Variants in RBFOX1 observed in about 807,000 individuals in gnomAD.
The protein encoded by RBFOX1 is RNA binding protein fox-1 homolog 1.
A neutral mutation model predicts 57.7 loss-of-function variants in RBFOX1; 8 were observed. That is an observed-to-expected ratio of 0.14 (90% CI 0.08 to 0.25). The LOEUF (loss-of-function observed/expected upper bound fraction) is 0.25. Among genes scored for constraint, RBFOX1 ranks in the 10% least tolerant of loss-of-function variants. The probability of loss-of-function intolerance (pLI) is 1.00; values close to 1 mark genes in which losing one functional copy is unlikely to be tolerated. For missense variants in RBFOX1, 611 were observed against 548.5 expected, an observed-to-expected ratio of 1.11 and a Z score of -1.14; for synonymous variants, 326 against 222.4, an observed-to-expected ratio of 1.47 and a Z score of -4.15.
intron 3 of RBFOX1, among the ~76,000 whole-genome samples, chr16:5,702,051 A>G (rs535942378): frequency 6.6e-6 from 1 of 152,210 alleles, no homozygotes; most frequent in Non-Finnish European, 1.5e-5. Flanking sequence ...AAATCTAGCC[A>G]TAAGTAGCTA....
intron 3 of RBFOX1, among the ~76,000 whole-genome samples, chr16:6,663,435 C>A (rs115803164): frequency 0.015 from 2,241 of 152,256 alleles, 56 homozygotes; most frequent in African/African-American, 0.051. Flanking sequence ...GTGCCAGTCT[C>A]TTGCCCCTGG....
intron 3 of RBFOX1, among the ~76,000 whole-genome samples, chr16:6,808,882 C>A (rs920409000): frequency 2.6e-5 from 4 of 152,132 alleles, no homozygotes; most frequent in Admixed American, 6.5e-5. Flanking sequence ...TAGCAGGGAA[C>A]AATATCGGAT....
rs542822215 is a variant in RBFOX1 at position 6,994,805 on chromosome 16, C to T, written c.-15-57252C>T. 9.9e-5 allele frequency among the ~76,000 whole-genome samples: 15 copies of T among 152,258 alleles called. No individual in the cohort carries two copies. The South Asian group carries it at 1.7e-3, about 17-fold the overall frequency. The stretch of plus-strand genomic sequence containing the variant: ...TGTTACCGACCAAATTGCATGGAAA[C>T]GATTTGCTTTCAGAGACTGATAAAA... On this transcript the variant is annotated intron_variant, in intron 3 of 15. Coordinates refer to ENST00000550418, the MANE Select transcript of RBFOX1 (RefSeq NM_018723.4).
At chr16:5,361,992 G>A (rs1047499658) in intron 1 of RBFOX1, among the ~76,000 whole-genome samples, 2 of 152,108 alleles carry the variant, frequency 1.3e-5, no homozygotes, top group African/African-American at 2.4e-5. Context: ...AATTAATATC[G>A]GAATTGATTT....
At chr16:6,737,706 A>C (rs1031867853) in intron 3 of RBFOX1, among the ~76,000 whole-genome samples, 1 of 152,190 alleles carries the variant, frequency 6.6e-6, no homozygotes, top group Non-Finnish European at 1.5e-5. Context: ...CCAGAGCCTT[A>C]GGTTGGATGA....
chr16:6,822,319 C>G (rs1299981704), intron 3 of RBFOX1, among the ~76,000 whole-genome samples: 6 of 152,196 alleles, frequency 3.9e-5, no homozygotes, highest in African/African-American at 1.2e-4. Flanking sequence ...CATGCACATT[C>G]TTCAATGCCT....
intron 3 of RBFOX1, among the ~76,000 whole-genome samples, chr16:5,761,025 A>G (rs961666456): frequency 6.6e-6 from 1 of 152,214 alleles, no homozygotes; most frequent in African/African-American, 2.4e-5. Context: ...TAATGTGGTA[A>G]TTGATAGGAT....
At chr16:6,402,420 C>CT (rs1010518211) in intron 2 of RBFOX1, among the ~76,000 whole-genome samples, 34 of 152,134 alleles carry the variant, frequency 2.2e-4, no homozygotes, top group African/African-American at 7.7e-4. Flanking sequence ...CATTTGCTTG[C>CT]TTTTTTTTCC....
At chr16:6,891,704 C>G (rs1297563255) in intron 3 of RBFOX1, among the ~76,000 whole-genome samples, 5 of 152,148 alleles carry the variant, frequency 3.3e-5, no homozygotes, top group Admixed American at 6.5e-5. Context: ...TTAACATTTA[C>G]TTTTATTCAT....
chr16:5,318,214 C>A (rs918753946), intron 1 of RBFOX1, among the ~76,000 whole-genome samples: 3 of 152,106 alleles, frequency 2.0e-5, no homozygotes, highest in African/African-American at 7.2e-5. Context: ...CTGCAACCTC[C>A]ACCTCCCAGG....
At chr16:6,632,298 A>C (rs971718470) in intron 2 of RBFOX1, among the ~76,000 whole-genome samples, 1 of 152,106 alleles carries the variant, frequency 6.6e-6, no homozygotes, top group African/African-American at 2.4e-5. Context: ...ACATCTGTGA[A>C]ACCTTGCACC....
chr16:7,192,669 C>T (rs1356929051), intron 4 of RBFOX1, among the ~76,000 whole-genome samples: 1 of 152,126 alleles, frequency 6.6e-6, no homozygotes, highest in African/African-American at 2.4e-5. Flanking sequence ...ACGTCAATTT[C>T]CTGGTACCCA....
chr16:5,507,759 C>T (rs1428778611), intron 2 of RBFOX1, among the ~76,000 whole-genome samples: 1 of 152,154 alleles, frequency 6.6e-6, no homozygotes, highest in African/African-American at 2.4e-5. Context: ...CATGTGAAGA[C>T]AGAGGCAGAG....
At chr16:7,114,692 G>A (rs945087216) in intron 4 of RBFOX1, among the ~76,000 whole-genome samples, 2 of 152,220 alleles carry the variant, frequency 1.3e-5, no homozygotes, top group Admixed American at 6.5e-5. Flanking sequence ...GGAAATGAGA[G>A]TCCTTGTGCT....
intron 3 of RBFOX1, among the ~76,000 whole-genome samples, chr16:5,613,337 G>T (rs1224224120): frequency 6.6e-6 from 1 of 152,166 alleles, no homozygotes; most frequent in African/African-American, 2.4e-5. Context: ...AAGCCTACCA[G>T]GTTCTTGACA....
chr16:7,010,009 A>G (rs1246521636), intron 3 of RBFOX1, among the ~76,000 whole-genome samples: 3 of 150,924 alleles, frequency 2.0e-5, no homozygotes, highest in African/African-American at 7.4e-5. Context: ...ATTAGACTTG[A>G]TAGAAGCTCA....
intron 3 of RBFOX1, among the ~76,000 whole-genome samples, chr16:6,854,887 C>A (rs1415807360): frequency 6.6e-6 from 1 of 151,928 alleles, no homozygotes; most frequent in African/African-American, 2.4e-5. Context: ...AGCCACCGCG[C>A]CCAGCCGAGG....
chr16:6,185,465 G>C (rs2097099231), intron 1 of RBFOX1, among the ~76,000 whole-genome samples: 1 of 152,178 alleles, frequency 6.6e-6, no homozygotes, highest in African/African-American at 2.4e-5. Context: ...AGCCACTTGA[G>C]TATTCAATAG....
intron 4 of RBFOX1, among the ~76,000 whole-genome samples, chr16:7,471,544 C>T (rs1265575055): frequency 6.6e-6 from 1 of 152,018 alleles, no homozygotes; most frequent in Non-Finnish European, 1.5e-5. Context: ...TTCTGAACAT[C>T]AGTAGGACAT....
Sources: allele counts gnomAD v4.1 joint callset (sites outside exome capture counted in the v4.1 genomes callset), GRCh38; gene constraint gnomAD v4.1.1; transcripts MANE v1.5; gene names NCBI Gene and HGNC (gene_info 2026-07-23, HGNC 2026-07-21).